POU6F2: variants seen among roughly 807,000 people sequenced by gnomAD.
POU6F2 encodes POU class 6 homeobox 2, also known as POU domain, class 6, transcription factor 2.
In POU6F2, 31 loss-of-function variants were observed where a neutral mutation model predicts 71.3. That is an observed-to-expected ratio of 0.43 (90% CI 0.33 to 0.59). POU6F2 has a LOEUF of 0.59. Among genes scored for constraint, POU6F2 ranks in the 20% least tolerant of loss-of-function variants. The pLI, the probability that POU6F2 is intolerant of heterozygous loss-of-function variation, is 0.04. For missense variants in POU6F2, 783 were observed against 856.8 expected, an observed-to-expected ratio of 0.91 and a Z score of 1.07; for synonymous variants, 347 against 355.7, an observed-to-expected ratio of 0.98 and a Z score of 0.27.
intron 4 of POU6F2, among the ~76,000 whole-genome samples, chr7:39,267,771 A>G (rs1296593434): frequency 6.6e-6 from 1 of 152,090 alleles, no homozygotes; most frequent in African/African-American, 2.4e-5. Context: ...CACCTGACTA[A>G]AATTTCTGAA....
At chr7:38,987,247 C>A (rs1324594866) in intron 1 of POU6F2, among the ~76,000 whole-genome samples, 1 of 152,036 alleles carries the variant, frequency 6.6e-6, no homozygotes, top group African/African-American at 2.4e-5. Context: ...CAATAAAGAT[C>A]ACAATATTTT....
chr7:39,150,488 A>C, intron 2 of POU6F2, among the ~76,000 whole-genome samples: 1 of 118,478 alleles, frequency 8.4e-6, no homozygotes, highest in African/African-American at 3.2e-5. Flanking sequence ...TTTTTTTGAG[A>C]CAGAGTCTCA....
intron 5 of POU6F2, among the ~76,000 whole-genome samples, chr7:39,370,441 G>C (rs1216474164): frequency 6.6e-6 from 1 of 152,230 alleles, no homozygotes; most frequent in African/African-American, 2.4e-5. Flanking sequence ...TGTGGAACTT[G>C]AGCAGGGCTC....
intron 5 of POU6F2, among the ~76,000 whole-genome samples, chr7:39,369,569 G>A (rs1786567971): frequency 6.6e-6 from 1 of 151,940 alleles, no homozygotes; most frequent in Admixed American, 6.6e-5. Context: ...TCACCATGTT[G>A]GCCGGGCTGG....
intron 4 of POU6F2, among the ~76,000 whole-genome samples, chr7:39,263,523 T>G (rs1583483016): frequency 6.6e-6 from 1 of 152,218 alleles, no homozygotes. Flanking sequence ...GTTGTATAAT[T>G]TGGGTATCTT....
At chr7:39,312,081 A>G (rs1785176041) in intron 4 of POU6F2, among the ~76,000 whole-genome samples, 1 of 152,216 alleles carries the variant, frequency 6.6e-6, no homozygotes, top group African/African-American at 2.4e-5. Context: ...GGAATTGCAG[A>G]TTAAAGCAAC....
intron 4 of POU6F2, among the ~76,000 whole-genome samples, chr7:39,263,688 C>CAA (rs575654172): frequency 0.022 from 2,675 of 123,286 alleles, 73 homozygotes; most frequent in African/African-American, 0.088. Flanking sequence ...CACACACACA[C>CAA]AAGTCACACG....
In POU6F2 at chr7:39,460,439, T is replaced by C. The variant is rs1421161722; in HGVS notation, c.1490-108T>C. On this transcript the variant is annotated intron_variant, in intron 8 of 9. Transcript: ENST00000518318. The surrounding 1 kb of genome is among the most constrained non-coding windows in gnomAD (Gnocchi z 4.4). ...CGAACATTCTCTGAGGTTGGTTTCC[T>C]CACTGCTCTGCTGTTAAAGAGAGCC... 3.1e-6 allele frequency: 4 copies of C among 1,307,168 alleles called. No individual in the cohort carries two copies. The highest frequency in any genetic ancestry group is 4.2e-6 in the Non-Finnish European group (4 of 943,734). 81.0% of individuals were successfully genotyped at this position (1,307,168 alleles called of 1,614,324 possible).
Position 39,367,825 on chromosome 7 carries a change from T to C in POU6F2, c.972+27810T>C, listed in dbSNP as rs555531587. On this transcript the variant is annotated intron_variant, in intron 5 of 9. Coordinates refer to ENST00000518318, the MANE Select transcript of POU6F2 (RefSeq NM_001370959.1). ...TTGGTAATTCTTACAATATTACAAG[T>C]TTATTCATTATTATGAGATCTTCTA... 4.3e-4 allele frequency among the ~76,000 whole-genome samples: 65 copies of C among 152,316 alleles called. 1 individual carries two copies. In the South Asian group the frequency reaches 0.01, roughly 24 times the overall value.
chr7:39,077,137 C>A (rs893524796), intron 1 of POU6F2, among the ~76,000 whole-genome samples: 4 of 152,130 alleles, frequency 2.6e-5, no homozygotes, highest in African/African-American at 9.7e-5. Context: ...GCTGTATAAC[C>A]CCATTACCAA....
intron 4 of POU6F2, among the ~76,000 whole-genome samples, chr7:39,237,093 TC>T (rs1355795619): frequency 6.6e-6 from 1 of 152,144 alleles, no homozygotes; most frequent in East Asian, 1.9e-4. Flanking sequence ...AACATTTTCC[TC>T]CTTTTGCCTT....
At position 39,451,559 on chromosome 7, in the gene POU6F2, G is replaced by A. The variant is rs146778737; in HGVS notation, c.1347G>A (p.Val449=). The stretch of plus-strand genomic sequence containing the variant: ...TCCACCAACCCTCCCAGACGTCAGT[G>A]GGTCAAGCAGCCTCCCAAGGCAACC... ...QQLHQPSQTS[V]GQAASQGNLL... Residue 449 remains valine (V), a synonymous_variant, in exon 8 of 10, where the codon GTG becomes GTA. Coordinates refer to ENST00000518318, the MANE Select transcript of POU6F2 (RefSeq NM_001370959.1). 1.8e-3 allele frequency: 2,972 copies of A among 1,613,580 alleles called. 3 individuals carry two copies. The highest frequency in any genetic ancestry group is 2.3e-3 in the Non-Finnish European group (2,724 of 1,179,752).
chr7:39,101,290 T>C (rs1202736094), intron 2 of POU6F2, among the ~76,000 whole-genome samples: 1 of 152,042 alleles, frequency 6.6e-6, no homozygotes, highest in Non-Finnish European at 1.5e-5. Context: ...GCCAGGCTGG[T>C]CTCAAACTCC....
intron 4 of POU6F2, among the ~76,000 whole-genome samples, chr7:39,212,082 G>T (rs1472156888): frequency 2.0e-5 from 3 of 152,168 alleles, no homozygotes; most frequent in Non-Finnish European, 2.9e-5. Context: ...TTTAATTTAA[G>T]CTATCTCATG....
intron 7 of POU6F2, among the ~76,000 whole-genome samples, chr7:39,449,326 A>G (rs1302789713): frequency 6.6e-6 from 1 of 152,196 alleles, no homozygotes; most frequent in Non-Finnish European, 1.5e-5. Flanking sequence ...ACCACAGGGG[A>G]CCAGAAGGGG....
At chr7:39,317,580 A>C (rs1157901173) in intron 4 of POU6F2, among the ~76,000 whole-genome samples, 1 of 152,246 alleles carries the variant, frequency 6.6e-6, no homozygotes. Context: ...ATCTTAGACA[A>C]AATGGTTATT....
At chr7:39,274,917 A>G (rs1354129341) in intron 4 of POU6F2, among the ~76,000 whole-genome samples, 3 of 151,948 alleles carry the variant, frequency 2.0e-5, no homozygotes, top group South Asian at 4.2e-4. Flanking sequence ...AATAAGAGCT[A>G]TCTATGACAA....
intron 2 of POU6F2, among the ~76,000 whole-genome samples, chr7:39,167,153 A>G (rs970614937): frequency 6.6e-6 from 1 of 152,096 alleles, no homozygotes; most frequent in South Asian, 2.1e-4. Flanking sequence ...TGTATATATA[A>G]TATCTATAAG....
At chr7:39,244,600 T>C (rs114087568) in intron 4 of POU6F2, among the ~76,000 whole-genome samples, 130 of 152,250 alleles carry the variant, frequency 8.5e-4, no homozygotes, top group African/African-American at 3.0e-3. Context: ...CCCAAGAAAT[T>C]CCATCAACTA....
Sources: gnomAD v4.1 joint callset for allele counts (sites outside exome capture counted in the v4.1 genomes callset) on GRCh38, gnomAD v4.1.1 for gene constraint, Gnocchi (gnomAD v3.1) non-coding constraint, MANE v1.5 for transcripts, NCBI Gene and HGNC (gene_info 2026-07-23, HGNC 2026-07-21) for gene names.